HIF1A: variants seen among roughly 807,000 people sequenced by gnomAD.
The protein encoded by HIF1A is hypoxia inducible factor 1 subunit alpha.
Under a neutral mutation model 92.7 loss-of-function variants are expected in HIF1A, and 24 were observed. The observed-to-expected ratio is 0.26, with a 90% CI of 0.19 to 0.36. HIF1A has a LOEUF of 0.36. Among genes scored for constraint, HIF1A ranks in the 10% least tolerant of loss-of-function variants. The probability of loss-of-function intolerance (pLI) is 1.00; values close to 1 mark genes in which losing one functional copy is unlikely to be tolerated. For synonymous variants in HIF1A, 319 were observed against 338.7 expected, an observed-to-expected ratio of 0.94 and a Z score of 0.64; for missense variants, 799 against 998.5, an observed-to-expected ratio of 0.80 and a Z score of 2.69.
rs1401211921 is a variant in HIF1A, at chr14:61,695,685, G to C, written c.-120G>C. Reference sequence around the variant, plus strand: ...AGTCTCACGAGGGGTTTCCCGCCTCGCACCCCCACCTCTGGACTTGCCTTT... The same window carrying C: ...AGTCTCACGAGGGGTTTCCCGCCTCCCACCCCCACCTCTGGACTTGCCTTT... On this transcript the variant is annotated 5_prime_UTR_variant, in exon 1 of 15. Coordinates refer to ENST00000337138, the MANE Select transcript of HIF1A (RefSeq NM_001530.4). 9.2e-7 allele frequency: 1 copy of C among 1,082,712 alleles called. No individual in the cohort carries two copies. The highest frequency in any genetic ancestry group is 1.3e-6 in the Non-Finnish European group (1 of 758,448). 67.1% of individuals were successfully genotyped at this position (1,082,712 alleles called of 1,614,324 possible).
At chr14:61,701,973 G>T (rs1361521788) in intron 1 of HIF1A, among the ~76,000 whole-genome samples, 1 of 151,460 alleles carries the variant, frequency 6.6e-6, no homozygotes, top group Non-Finnish European at 1.5e-5. Flanking sequence ...GGGTGACAGA[G>T]CAAGACTGTG....
chr14:61,697,986 G>A, intron 1 of HIF1A: 1 of 1,263,072 alleles, frequency 7.9e-7, no homozygotes, highest in South Asian at 1.5e-5. Flanking sequence ...TTTAACGCAG[G>A]ACATTTCATG....
chr14:61,724,051 A>C (rs1434349079), intron 4 of HIF1A, among the ~76,000 whole-genome samples: 1 of 150,272 alleles, frequency 6.7e-6, no homozygotes, highest in Admixed American at 6.6e-5. Context: ...TTTATAAATT[A>C]TACAAAATAT....
chr14:61,745,810 A>G lies in HIF1A; in HGVS notation c.2322A>G (p.Ile774Met), dbSNP rs1381924929. The G allele has an allele frequency of 1.2e-6, 2 of 1,610,090 alleles. No homozygotes were observed. The highest frequency in any genetic ancestry group is 1.7e-6 in the Non-Finnish European group (2 of 1,177,600). The change falls in exon 14 of 15, where the codon ATA becomes ATG. Residue 774 changes from isoleucine to methionine, a missense_variant. Transcript: ENST00000337138. Reference protein sequence around the residue: ...NGMEQKTIILIPSDLACRLLG... With the variant: ...NGMEQKTIILMPSDLACRLLG... ...TGGAGCAAAAGACAATTATTTTAAT[A>G]CCCTCTGGTTAGTTTATTCTTTTTG...
intron 1 of HIF1A, among the ~76,000 whole-genome samples, chr14:61,705,615 T>C (rs1347121712): frequency 6.6e-6 from 1 of 152,176 alleles, no homozygotes. Flanking sequence ...AGCATCTGAT[T>C]TGTGGAAAGG....
intron 12 of HIF1A, among the ~76,000 whole-genome samples, chr14:61,743,021 T>C (rs2140159279): frequency 6.6e-6 from 1 of 152,244 alleles, no homozygotes; most frequent in East Asian, 1.9e-4. Flanking sequence ...ACAACTGTTC[T>C]CTTGTACTTG....
At chr14:61,720,648 T>C (rs543046348) in intron 2 of HIF1A, 76 bp downstream of exon 2, 1 of 953,818 alleles carries the variant, frequency 1.0e-6, no homozygotes, top group African/African-American at 1.7e-5. Flanking sequence ...TTTTAGAAGG[T>C]GGTCGCAATG....
chr14:61,744,982 A>G (rs1346177848), intron 13 of HIF1A, among the ~76,000 whole-genome samples, 169 bp downstream of exon 13: 1 of 152,216 alleles, frequency 6.6e-6, no homozygotes, highest in Non-Finnish European at 1.5e-5. Context: ...TTTTAAAAAT[A>G]CAAATGTTTA....
chr14:61,727,227 G>A (rs367780237), intron 5 of HIF1A, among the ~76,000 whole-genome samples: 99 of 152,294 alleles, frequency 6.5e-4, no homozygotes, highest in African/African-American at 2.2e-3. Flanking sequence ...GACTTTATAC[G>A]AGGGGAATTT....
rs1172033904 is a variant in HIF1A at position 61,741,134 on chromosome 14, C to G, written c.2039C>G (p.Thr680Arg). The change falls in exon 12 of 15, where the codon ACA becomes AGA. Residue 680 changes from threonine (T) to arginine (R), a missense_variant. Around this residue, in one of 2 missense-constraint regions of HIF1A, gnomAD observed 283 missense variants for 277.5 expected, o/e 1.02. Transcript: ENST00000337138. ...NRAGKGVIEQ[T>R]EKSHPRSPNV... ...GCAGGAAAAGGAGTCATAGAACAGA[C>G]AGAAAAATCTCATCCAAGAAGCCCT... The G allele has an allele frequency of 6.2e-6, 10 of 1,612,708 alleles. No homozygotes were observed. The highest frequency in any genetic ancestry group is 4.5e-5 in the East Asian group (2 of 44,884).
chr14:61,697,024 C>T (rs188668191), intron 1 of HIF1A, among the ~76,000 whole-genome samples: 135 of 152,300 alleles, frequency 8.9e-4, no homozygotes, highest in Admixed American at 2.9e-3. Context: ...AAGGAAATCA[C>T]TTAAGGAATT....
At chr14:61,707,468 C>A (rs183831279) in intron 1 of HIF1A, among the ~76,000 whole-genome samples, 1 of 152,120 alleles carries the variant, frequency 6.6e-6, no homozygotes, top group Admixed American at 6.5e-5. Context: ...CCCCCCACCC[C>A]ACAACAGGCC....
chr14:61,707,814 A>G (rs1460571690), intron 1 of HIF1A, among the ~76,000 whole-genome samples: 3 of 151,350 alleles, frequency 2.0e-5, no homozygotes, highest in African/African-American at 4.9e-5. Flanking sequence ...TCCTTTGGGT[A>G]TATACCCAGT....
intron 8 of HIF1A, 61 bp downstream of exon 8, chr14:61,734,346 C>T (rs2044611183): frequency 8.7e-7 from 1 of 1,148,348 alleles, no homozygotes; most frequent in Non-Finnish European, 1.3e-6. Context: ...TTTGGATACT[C>T]TGTTCATTTA....
chr14:61,701,259 A>T (rs772699691), intron 1 of HIF1A, among the ~76,000 whole-genome samples: 1 of 152,306 alleles, frequency 6.6e-6, no homozygotes, highest in Non-Finnish European at 1.5e-5. Flanking sequence ...AGTTTTAACC[A>T]TAAAGATTAT....
Position 61,695,693 on chromosome 14 carries a change from A to C in HIF1A, c.-112A>C, listed in dbSNP as rs1292230376. 1.7e-6 allele frequency: 2 copies of C among 1,162,384 alleles called. No individual in the cohort carries two copies. Among genetic ancestry groups the C allele is most frequent in the Non-Finnish European group, 2.4e-6 (2 of 824,080 alleles). The allele number at this position is 1,162,384 out of a possible 1,614,324, so 72.0% of individuals were successfully genotyped here. A position where few individuals can be genotyped will look rare whatever the true frequency, so the allele number is the denominator to read the frequency against. ...GAGGGGTTTCCCGCCTCGCACCCCC[A>C]CCTCTGGACTTGCCTTTCCTTCTCT... On this transcript the variant is annotated 5_prime_UTR_variant, in exon 1 of 15. Coordinates refer to ENST00000337138, the MANE Select transcript of HIF1A (RefSeq NM_001530.4).
In HIF1A at chr14:61,727,500, C is replaced by T. The variant is rs764708358; in HGVS notation, c.618C>T (p.Asn206=). The T allele has an allele frequency of 4.3e-6, 7 of 1,613,708 alleles. No homozygotes were observed. The highest frequency in any genetic ancestry group is 5.9e-6 in the Non-Finnish European group (7 of 1,179,864). The change falls in exon 6 of 15, where the codon AAC becomes AAT. Residue 206 remains asparagine (N), a synonymous_variant. Coordinates refer to ENST00000337138, the MANE Select transcript of HIF1A (RefSeq NM_001530.4). Reference sequence around the variant, plus strand: ...TTCACGTATATGATACCAACAGTAACCAACCTCAGTGTGGGTATAAGAAAC... The same window carrying T: ...TTCACGTATATGATACCAACAGTAATCAACCTCAGTGTGGGTATAAGAAAC... ...GHIHVYDTNS[N]QPQCGYKKPP... is the part of the protein sequence containing the mutation.
chr14:61,740,480 A>G (rs761412669), intron 10 of HIF1A, 25 bp from the exon 11 acceptor site: 1 of 1,526,238 alleles, frequency 6.6e-7, no homozygotes, highest in Non-Finnish European at 8.8e-7. Flanking sequence ...TCTTCAGGAA[A>G]TAGTAAACAT....
At chr14:61,708,291 G>A (rs971324128) in intron 1 of HIF1A, among the ~76,000 whole-genome samples, 2 of 152,168 alleles carry the variant, frequency 1.3e-5, no homozygotes, top group African/African-American at 4.8e-5. Flanking sequence ...TTGCTGTGCA[G>A]AAGCTCTTTA....
Sources: gnomAD v4.1 joint callset for allele counts (sites outside exome capture counted in the v4.1 genomes callset) on GRCh38, gnomAD v4.1.1 for gene constraint, gnomAD v4.1.1 regional missense constraint, MANE v1.5 for transcripts, NCBI Gene and HGNC (gene_info 2026-07-23, HGNC 2026-07-21) for gene names.